The following ALPK2 variants were observed in gnomAD, a reference collection of about 807,000 sequenced individuals.
The protein encoded by ALPK2 is alpha-protein kinase 2.
In ALPK2, 127 loss-of-function variants were observed where a neutral mutation model predicts 163.1. The ratio of observed to expected loss-of-function variants is 0.78; its 90% confidence interval spans 0.67 to 0.90. The LOEUF is 0.90. Among genes scored for constraint, ALPK2 ranks in the 40% least tolerant of loss-of-function variants. ALPK2 has a pLI of 0.00. For missense variants in ALPK2, 2,360 were observed against 2,589.6 expected (o/e 0.91, Z 1.92); for synonymous variants, 953 against 959.1 (o/e 0.99, Z 0.12).
Position 58,531,670 on chromosome 18 carries a change from C to T in ALPK2, c.5354-2432G>A, listed in dbSNP as rs147958408. 1.5e-4 allele frequency among the ~76,000 whole-genome samples: 15 copies of T among 96,790 alleles called. No individual in the cohort carries two copies. The East Asian group carries it at 2.9e-3, about 19-fold the overall frequency. The allele number at this position is 96,790 out of a possible 152,430, so 63.5% of individuals were successfully genotyped here. A position where few individuals can be genotyped will look rare whatever the true frequency, so the allele number is the denominator to read the frequency against. On this transcript the variant is annotated intron_variant, in intron 5 of 12. Transcript: ENST00000361673. The stretch of plus-strand genomic sequence containing the variant: ...GTTGAAAAAAAAAAAAAAAAAAGGA[C>T]GGGCATGCGGGCATGGTGGCTCATT...
chr18:58,537,406 A>C lies in ALPK2; in HGVS notation c.2781T>G (p.Ala927=). 1 of 1,613,746 alleles carries C rather than the reference A, an allele frequency of 6.2e-7. No individual in the cohort carries two copies. Among genetic ancestry groups the C allele is most frequent in the Non-Finnish European group, 8.5e-7 (1 of 1,179,752 alleles). The change falls in exon 5 of 13, where the codon GCT becomes GCG. Residue 927 remains alanine (A), a synonymous_variant. Coordinates refer to ENST00000361673, the MANE Select transcript of ALPK2 (RefSeq NM_052947.4). The stretch of plus-strand genomic sequence containing the variant: ...TGCTGGGGCTTGGCTGCTCCTGGCC[A>C]GCATGTACTGTGGAGGCCAGTGGGT... ...STYPLASTVH[A]GQEQPSPSNS...
intron 4 of ALPK2, among the ~76,000 whole-genome samples, chr18:58,577,498 A>G (rs768978007): frequency 2.0e-5 from 3 of 152,252 alleles, no homozygotes; most frequent in African/African-American, 4.8e-5. Context: ...GTTTATCAAC[A>G]TGAAAAAATT....
chr18:58,609,849 G>A (rs932592503), intron 2 of ALPK2, among the ~76,000 whole-genome samples: 1 of 152,184 alleles, frequency 6.6e-6, no homozygotes, highest in African/African-American at 2.4e-5. Context: ...CCAAACACAC[G>A]AGGGCTCTGC....
intron 4 of ALPK2, chr18:58,556,937 C>T (rs1185946512): frequency 6.6e-6 from 1 of 152,288 alleles, no homozygotes; most frequent in Non-Finnish European, 1.5e-5. Flanking sequence ...CCCCAGCTTC[C>T]TATTCCACAT....
At chr18:58,554,139 C>A (rs954340331) in intron 4 of ALPK2, among the ~76,000 whole-genome samples, 2 of 152,166 alleles carry the variant, frequency 1.3e-5, no homozygotes, top group Non-Finnish European at 2.9e-5. Context: ...GGATTACAGG[C>A]ATGAGCCTCT....
At chr18:58,545,146 T>A (rs2051710832) in intron 4 of ALPK2, 1 of 151,046 alleles carries the variant, frequency 6.6e-6, no homozygotes, top group African/African-American at 2.4e-5. Context: ...GAGAAGGAAG[T>A]TGGAGATTTG....
chr18:58,513,531 T>A (rs57042992), intron 10 of ALPK2, among the ~76,000 whole-genome samples: 20,474 of 152,236 alleles, frequency 0.13, 1,464 homozygotes, highest in East Asian at 0.22. Flanking sequence ...GCATGAGCCC[T>A]TTCCAAGTCC....
rs556449127 is a variant in ALPK2 at position 58,522,500 on chromosome 18, G to A, written c.5665+1306C>T. 3.3e-5 allele frequency among the ~76,000 whole-genome samples: 5 copies of A among 152,306 alleles called. No individual in the cohort carries two copies. The South Asian group carries it at 6.2e-4, about 19-fold the overall frequency. On this transcript the variant is annotated intron_variant, in intron 8 of 12. Coordinates refer to ENST00000361673, the MANE Select transcript of ALPK2 (RefSeq NM_052947.4). ...TCAGTGGGAGGCCCGGGGACATCACGAGCATTCATGAGCAGCAGTGTTAGG... is the reference window on the plus strand; with the variant it reads ...TCAGTGGGAGGCCCGGGGACATCACAAGCATTCATGAGCAGCAGTGTTAGG...
At chr18:58,613,081 G>A (rs1013498080) in intron 1 of ALPK2, among the ~76,000 whole-genome samples, 3 of 152,168 alleles carry the variant, frequency 2.0e-5, no homozygotes, top group Non-Finnish European at 4.4e-5. Context: ...CCATATGAGT[G>A]TCAGTAGCAG....
At chr18:58,528,888 A>G (rs2051597373) in intron 6 of ALPK2, 1 of 627,692 alleles carries the variant, frequency 1.6e-6, no homozygotes, top group African/African-American at 1.9e-5. Flanking sequence ...ATTCTGGCAA[A>G]ACCTGGGCAA....
At chr18:58,532,767 TGA>T (rs1423896531) in intron 5 of ALPK2, among the ~76,000 whole-genome samples, 3 of 152,212 alleles carry the variant, frequency 2.0e-5, no homozygotes, top group Non-Finnish European at 2.9e-5. Context: ...TTTTTATACC[TGA>T]GAGGAGTCTT....
intron 12 of ALPK2, among the ~76,000 whole-genome samples, chr18:58,490,585 C>G (rs1457163754): frequency 6.6e-6 from 1 of 152,056 alleles, no homozygotes; most frequent in Non-Finnish European, 1.5e-5. Context: ...CCAACAGAAA[C>G]CAAGCCCTGG....
intron 1 of ALPK2, among the ~76,000 whole-genome samples, chr18:58,619,679 G>A (rs993603489): frequency 6.6e-6 from 1 of 152,176 alleles, no homozygotes; most frequent in Admixed American, 6.5e-5. Context: ...CAAAGAGTGT[G>A]TTTATGTAAA....
At chr18:58,495,606 A>C (rs2051397482) in intron 12 of ALPK2, among the ~76,000 whole-genome samples, 1 of 152,088 alleles carries the variant, frequency 6.6e-6, no homozygotes. Context: ...TGAATTTAAA[A>C]GATGTCTTCA....
chr18:58,489,068 C>G (rs116432953), intron 12 of ALPK2, among the ~76,000 whole-genome samples: 145 of 152,298 alleles, frequency 9.5e-4, no homozygotes, highest in Middle Eastern at 3.4e-3. Context: ...TGTCACATCT[C>G]AGCGGGAGGA....
intron 1 of ALPK2, among the ~76,000 whole-genome samples, chr18:58,628,549 A>G (rs1238054828): frequency 6.6e-6 from 1 of 152,234 alleles, no homozygotes; most frequent in Non-Finnish European, 1.5e-5. Context: ...ATAATTTTCA[A>G]AAAGGGTCAA....
At chr18:58,483,703 A>G (rs1602179474) in intron 12 of ALPK2, among the ~76,000 whole-genome samples, 1 of 146,132 alleles carries the variant, frequency 6.8e-6, no homozygotes, top group African/African-American at 2.6e-5. Flanking sequence ...GGCATCCACC[A>G]CCACACCCGG....
Position 58,580,320 on chromosome 18 carries a change from G to A in ALPK2, c.456C>T (p.Ser152=), listed in dbSNP as rs903855519. The change falls in exon 4 of 13, where the codon AGC becomes AGT. Residue 152 remains serine, a synonymous_variant. Coordinates refer to ENST00000361673, the MANE Select transcript of ALPK2 (RefSeq NM_052947.4). ...EKEHPYKEEE[S]ISPGTPRSAD... ...CTGACCTGGGAGTGCCCGGGGAGAT[G>A]CTTTCTTCTTCCTTATAAGGATGTT... 6.2e-7 allele frequency: 1 copy of A among 1,614,122 alleles called. No homozygotes were observed. Among genetic ancestry groups the A allele is most frequent in the South Asian group, 1.1e-5 (1 of 91,064 alleles).
intron 4 of ALPK2, among the ~76,000 whole-genome samples, chr18:58,543,953 A>G (rs2051704425): frequency 6.6e-6 from 1 of 152,190 alleles, no homozygotes; most frequent in Non-Finnish European, 1.5e-5. Flanking sequence ...CAGAACTTCT[A>G]AGCTCCTGAA....
Sources: gnomAD v4.1 joint callset for allele counts (sites outside exome capture counted in the v4.1 genomes callset) on GRCh38, gnomAD v4.1.1 for gene constraint, MANE v1.5 for transcripts, NCBI Gene and HGNC (gene_info 2026-07-23, HGNC 2026-07-21) for gene names.